The following PPP1R21 variants were observed in gnomAD, a reference collection of about 807,000 sequenced individuals.
PPP1R21 encodes KLRAQ motif containing 1.
PPP1R21 carries 85 observed loss-of-function variants against 112.8 expected under a neutral mutation model. The ratio of observed to expected loss-of-function variants is 0.75; its 90% CI spans 0.63 to 0.90. The LOEUF (loss-of-function observed/expected upper bound fraction) is 0.90, where lower values mean the gene tolerates loss of function less well. Among genes scored for constraint, PPP1R21 ranks in the 40% least tolerant of loss-of-function variants. The probability of loss-of-function intolerance (pLI) is 0.00; values close to 1 mark genes in which losing one functional copy is unlikely to be tolerated. For synonymous variants in PPP1R21, 381 were observed against 322.3 expected (o/e 1.18, Z -1.95); for missense variants, 1,199 against 901.5 (o/e 1.33, Z -4.23).
chr2:48,485,375 T>G (rs577087107), intron 13 of PPP1R21, among the ~76,000 whole-genome samples: 1 of 152,276 alleles, frequency 6.6e-6, no homozygotes, highest in African/African-American at 2.4e-5. Flanking sequence ...CTTATGACTA[T>G]GTTGAGCATA....
At chr2:48,457,178 G>A (rs762244338) in intron 3 of PPP1R21, among the ~76,000 whole-genome samples, 13 of 152,186 alleles carry the variant, frequency 8.5e-5, no homozygotes, top group Non-Finnish European at 1.5e-4. Flanking sequence ...AGAGGTTTGG[G>A]TGTAATATTG....
At chr2:48,457,465 G>T (rs1225706032) in intron 3 of PPP1R21, among the ~76,000 whole-genome samples, 1 of 152,116 alleles carries the variant, frequency 6.6e-6, no homozygotes, top group African/African-American at 2.4e-5. Flanking sequence ...GCTGTTCCTT[G>T]AATAGTCTCA....
chr2:48,509,566 G>A (rs1410260082), intron 19 of PPP1R21, among the ~76,000 whole-genome samples: 1 of 151,848 alleles, frequency 6.6e-6, no homozygotes, highest in Non-Finnish European at 1.5e-5. Flanking sequence ...TTAGCTGGGT[G>A]TGGTGGTGCA....
intron 13 of PPP1R21, among the ~76,000 whole-genome samples, chr2:48,482,697 C>G (rs943126334): frequency 5.0e-5 from 7 of 139,270 alleles, no homozygotes; most frequent in Non-Finnish European, 1.1e-4. Context: ...TGACTATAGT[C>G]TGTAGTTGTA....
At chr2:48,493,190 A>G (rs1395109796) in intron 15 of PPP1R21, among the ~76,000 whole-genome samples, 1 of 152,004 alleles carries the variant, frequency 6.6e-6, no homozygotes, top group Non-Finnish European at 1.5e-5. Flanking sequence ...TACTTTTAGT[A>G]GAGACGGGGT....
intron 1 of PPP1R21, among the ~76,000 whole-genome samples, chr2:48,444,146 C>T (rs1219365150): frequency 2.0e-5 from 3 of 152,092 alleles, no homozygotes; most frequent in Non-Finnish European, 4.4e-5. Context: ...ATGAGAATTG[C>T]TGAGGCAAAC....
intron 17 of PPP1R21, among the ~76,000 whole-genome samples, chr2:48,503,413 A>C (rs985846008): frequency 6.6e-6 from 1 of 152,184 alleles, no homozygotes; most frequent in Non-Finnish European, 1.5e-5. Flanking sequence ...ACCTATGATT[A>C]GATATTGGTT....
chr2:48,506,741 C>A (rs1043232454), intron 18 of PPP1R21, among the ~76,000 whole-genome samples: 1 of 152,134 alleles, frequency 6.6e-6, no homozygotes, highest in East Asian at 1.9e-4. Flanking sequence ...GTCAGGAGAT[C>A]GAGACCATCC....
At chr2:48,492,966 T>C (rs988616532) in intron 15 of PPP1R21, among the ~76,000 whole-genome samples, 2 of 152,060 alleles carry the variant, frequency 1.3e-5, no homozygotes, top group Non-Finnish European at 2.9e-5. Context: ...CTTTCATAGT[T>C]ATCACTTGTG....
rs1668172131 is a variant in PPP1R21 at position 48,465,725 on chromosome 2, A to G, written c.897+83A>G. On this transcript the variant is annotated intron_variant, in intron 9 of 21. Transcript: ENST00000294952. The stretch of plus-strand genomic sequence containing the variant: ...TGTTTTTAGACCTCTTCTGTGCACC[A>G]TCCAAGTACTGCAAAGGACATGGAA... 9 of 1,222,750 alleles carry G rather than the reference A, an allele frequency of 7.4e-6. No homozygotes were observed. In the South Asian group the frequency reaches 1.0e-4, roughly 14 times the overall value. The allele number at this position is 1,222,750 out of a possible 1,614,324, so 75.7% of individuals were successfully genotyped here. A position where few individuals can be genotyped will look rare whatever the true frequency, so the allele number is the denominator to read the frequency against.
At chr2:48,504,635 T>G (rs550845791) in intron 17 of PPP1R21, among the ~76,000 whole-genome samples, 1 of 150,560 alleles carries the variant, frequency 6.6e-6, no homozygotes, top group East Asian at 1.9e-4. Flanking sequence ...GGTGAGACTC[T>G]GTCTCAGAAA....
intron 19 of PPP1R21, among the ~76,000 whole-genome samples, chr2:48,507,609 C>T (rs879713853): frequency 9.2e-5 from 14 of 152,088 alleles, no homozygotes; most frequent in South Asian, 2.1e-4. Flanking sequence ...TCTCATGATC[C>T]GCTGGCCTCG....
At chr2:48,460,503 A>G (rs1667928172) in intron 6 of PPP1R21, among the ~76,000 whole-genome samples, 2 of 152,230 alleles carry the variant, frequency 1.3e-5, no homozygotes, top group African/African-American at 2.4e-5. Context: ...TTTTAATGGT[A>G]CATTTTGAAT....
chr2:48,508,268 A>G (rs1670479330), intron 19 of PPP1R21, among the ~76,000 whole-genome samples: 1 of 152,340 alleles, frequency 6.6e-6, no homozygotes, highest in African/African-American at 2.4e-5. Context: ...ACTTTATATT[A>G]AAAAGTCAGT....
chr2:48,501,989 G>A (rs1021735099), intron 17 of PPP1R21: 2 of 152,050 alleles, frequency 1.3e-5, no homozygotes, highest in Non-Finnish European at 2.9e-5. Flanking sequence ...TTTCTGTATC[G>A]TTCCAATTTT....
chr2:48,482,765 G>C (rs1669082222), intron 13 of PPP1R21, among the ~76,000 whole-genome samples: 1 of 143,576 alleles, frequency 7.0e-6, no homozygotes, highest in Admixed American at 7.0e-5. Context: ...CACATCATCA[G>C]ATGACTTTTT....
chr2:48,463,209 TC>T (rs201069406), intron 7 of PPP1R21, among the ~76,000 whole-genome samples: 1,831 of 152,270 alleles, frequency 0.012, 41 homozygotes, highest in African/African-American at 0.041. Flanking sequence ...CACAGTGCAG[TC>T]AGGCCTGTGC....
At chr2:48,472,365 C>A (rs1668556434) in intron 11 of PPP1R21, among the ~76,000 whole-genome samples, 1 of 151,790 alleles carries the variant, frequency 6.6e-6, no homozygotes, top group Non-Finnish European at 1.5e-5. Flanking sequence ...GTGGCTCATG[C>A]CTGTAGTCCC....
intron 20 of PPP1R21, among the ~76,000 whole-genome samples, chr2:48,510,730 G>A (rs976034295): frequency 2.0e-5 from 3 of 152,198 alleles, no homozygotes; most frequent in African/African-American, 7.2e-5. Flanking sequence ...CGGTGCTGCC[G>A]GGAGGGCTGT....
Sources: gnomAD v4.1 joint callset for allele counts (sites outside exome capture counted in the v4.1 genomes callset) on GRCh38, gnomAD v4.1.1 for gene constraint, MANE v1.5 for transcripts, NCBI Gene and HGNC (gene_info 2026-07-23, HGNC 2026-07-21) for gene names.